PBX1: variants seen among roughly 807,000 people sequenced by gnomAD.
PBX1 encodes pre-B-cell leukemia transcription factor 1.
A neutral mutation model predicts 53.4 loss-of-function variants in PBX1; 6 were observed. That is an observed-to-expected ratio of 0.11 (90% CI 0.06 to 0.22). The LOEUF is 0.22. PBX1 is among the 10% of genes least tolerant of loss of function. The pLI is 1.00. For missense variants in PBX1, 251 were observed against 551.4 expected (o/e 0.46, Z 5.46); for synonymous variants, 204 against 212.3 (o/e 0.96, Z 0.34).
At chr1:164,722,276 C>T (rs2102109376) in intron 2 of PBX1, among the ~76,000 whole-genome samples, 1 of 152,264 alleles carries the variant, frequency 6.6e-6, no homozygotes, top group Admixed American at 6.5e-5. Flanking sequence ...CTGCTGCCTC[C>T]CTCAATGTCA....
chr1:164,720,296 G>A (rs1282902616), intron 2 of PBX1, among the ~76,000 whole-genome samples: 1 of 151,922 alleles, frequency 6.6e-6, no homozygotes, highest in Non-Finnish European at 1.5e-5. Context: ...AGGCAATTTT[G>A]TGGATATCTG....
chr1:164,779,190 T>C lies in PBX1; in HGVS notation c.266-13304T>C, dbSNP rs534424046. On this transcript the variant is annotated intron_variant, in intron 2 of 8. Transcript: ENST00000420696. ...AATTTCCATGAAAGAAAATATGGCG[T>C]ATTTAGTTCTTCTCTACCACATTGT... Among the ~76,000 whole-genome samples, 33 of 152,170 alleles carry C rather than the reference T, an allele frequency of 2.2e-4. No individual in the cohort carries two copies. The South Asian group carries it at 6.4e-3, about 30-fold the overall frequency.
intron 8 of PBX1, among the ~76,000 whole-genome samples, chr1:164,842,959 C>T (rs1671376114): frequency 6.6e-6 from 1 of 151,234 alleles, no homozygotes; most frequent in Admixed American, 6.6e-5. Flanking sequence ...CTCACTCTGC[C>T]CAGAGATAAA....
Position 164,808,996 on chromosome 1 carries a change from C to G in PBX1, c.837+1319C>G, listed in dbSNP as rs191912741. Among the ~76,000 whole-genome samples the G allele has an allele frequency of 5.3e-4, 80 of 152,232 alleles. 1 individual carries two copies. Among genetic ancestry groups the G allele is most frequent in the African/African-American group, 1.9e-3 (77 of 41,532 alleles). ...TTTCTAGGGCTGTCACCATTCTTAT[C>G]CAAATCTAAACCCCTTTTCCACAAA... On this transcript the variant is annotated intron_variant, in intron 5 of 8. Transcript: ENST00000420696.
At position 164,563,333 on chromosome 1, in the gene PBX1, T is replaced by G. The variant is rs1293588013; in HGVS notation, c.265+22T>G. On this transcript the variant is annotated intron_variant, in intron 2 of 8. Coordinates refer to ENST00000420696, the MANE Select transcript of PBX1 (RefSeq NM_002585.4). ...ACAGGTAGGAATGAGATTCCAACAT[T>G]TTAGCATTTTCTTTGGCCAATTAAA... is the stretch of plus-strand genomic sequence containing the variant. 4 of 1,536,258 alleles carry G rather than the reference T, an allele frequency of 2.6e-6. No homozygotes were observed. The East Asian group carries it at 6.8e-5, about 26-fold the overall frequency.
chr1:164,712,189 A>G (rs1176143138), intron 2 of PBX1, among the ~76,000 whole-genome samples: 1 of 150,622 alleles, frequency 6.6e-6, no homozygotes, highest in East Asian at 2.0e-4. Flanking sequence ...AAAAAAAAAA[A>G]AAAAAGCCCC....
intron 2 of PBX1, among the ~76,000 whole-genome samples, chr1:164,696,199 G>C (rs535352278): frequency 6.6e-6 from 1 of 152,184 alleles, no homozygotes; most frequent in East Asian, 1.9e-4. Context: ...ATTTCAGCCA[G>C]GAGACAAAAG....
intron 2 of PBX1, among the ~76,000 whole-genome samples, chr1:164,789,783 A>G (rs1217569057): frequency 6.6e-6 from 1 of 152,216 alleles, no homozygotes; most frequent in Non-Finnish European, 1.5e-5. Context: ...CTGAAGGGTT[A>G]CCAGCCTCAG....
chr1:164,612,021 C>T (rs1393807454), intron 2 of PBX1, among the ~76,000 whole-genome samples: 1 of 152,118 alleles, frequency 6.6e-6, no homozygotes, highest in Non-Finnish European at 1.5e-5. Context: ...TGTTATTTTT[C>T]AGGATCTCAA....
At chr1:164,622,362 C>T (rs916167522) in intron 2 of PBX1, among the ~76,000 whole-genome samples, 1 of 152,186 alleles carries the variant, frequency 6.6e-6, no homozygotes, top group South Asian at 2.1e-4. Flanking sequence ...AGCCTAGAAT[C>T]TCTGTGCTGA....
intron 2 of PBX1, among the ~76,000 whole-genome samples, chr1:164,710,956 C>T (rs966854234): frequency 1.3e-5 from 2 of 152,228 alleles, no homozygotes; most frequent in Non-Finnish European, 2.9e-5. Flanking sequence ...GCCAGCCAGG[C>T]GTGAACCTTA....
chr1:164,754,598 G>T (rs7543038), intron 2 of PBX1, among the ~76,000 whole-genome samples: 64,568 of 151,996 alleles, frequency 0.42, 14,353 homozygotes, highest in South Asian at 0.7. Flanking sequence ...TAAGGAGAAG[G>T]GGTTACCCTA....
At chr1:164,677,165 T>C (rs1452011375) in intron 2 of PBX1, among the ~76,000 whole-genome samples, 5 of 149,780 alleles carry the variant, frequency 3.3e-5, no homozygotes, top group Non-Finnish European at 7.4e-5. Context: ...CAATCTCGGC[T>C]CACTGCAAGC....
At chr1:164,713,637 G>C (rs1402840385) in intron 2 of PBX1, among the ~76,000 whole-genome samples, 1 of 152,118 alleles carries the variant, frequency 6.6e-6, no homozygotes, top group South Asian at 2.1e-4. Flanking sequence ...AAAGAATCAG[G>C]TGGTGGGAAA....
At chr1:164,573,813 C>A (rs1174701199) in intron 2 of PBX1, among the ~76,000 whole-genome samples, 1 of 152,174 alleles carries the variant, frequency 6.6e-6, no homozygotes, top group Non-Finnish European at 1.5e-5. Flanking sequence ...TTTTGCCTTG[C>A]CATACTTCAA....
At chr1:164,562,046 C>T (rs1235354455) in intron 1 of PBX1, among the ~76,000 whole-genome samples, 2 of 151,612 alleles carry the variant, frequency 1.3e-5, no homozygotes, top group Admixed American at 1.3e-4. Context: ...GATAGTATGT[C>T]CTTTTTTCCT....
At chr1:164,707,717 T>C (rs1387372237) in intron 2 of PBX1, among the ~76,000 whole-genome samples, 2 of 151,690 alleles carry the variant, frequency 1.3e-5, no homozygotes, top group Admixed American at 6.6e-5. Flanking sequence ...GGAGGGACAG[T>C]GGGAGGAAGA....
intron 2 of PBX1, among the ~76,000 whole-genome samples, chr1:164,569,671 A>C (rs1211464670): frequency 1.4e-5 from 2 of 143,504 alleles, no homozygotes; most frequent in Non-Finnish European, 1.5e-5. Context: ...CCTGGGTTCA[A>C]GCGATTCTCC....
chr1:164,752,573 C>T (rs1390760072), intron 2 of PBX1, among the ~76,000 whole-genome samples: 1 of 152,114 alleles, frequency 6.6e-6, no homozygotes, highest in African/African-American at 2.4e-5. Context: ...AGTGGTAGGT[C>T]CTGTTGCCCC....
Sources: allele counts gnomAD v4.1 joint callset (sites outside exome capture counted in the v4.1 genomes callset), GRCh38; gene constraint gnomAD v4.1.1; transcripts MANE v1.5; gene names NCBI Gene and HGNC (gene_info 2026-07-23, HGNC 2026-07-21).